The following CADM2 variants were observed in gnomAD, a reference collection of about 807,000 sequenced individuals.
CADM2 encodes cell adhesion molecule 2.
In CADM2, 12 loss-of-function variants were observed where a neutral mutation model predicts 49.8. The ratio of observed to expected loss-of-function variants is 0.24; its 90% CI spans 0.15 to 0.39. The LOEUF is 0.39. Among genes scored for constraint, CADM2 ranks in the 10% least tolerant of loss-of-function variants. CADM2 has a pLI of 1.00. For synonymous variants in CADM2, 214 were observed against 175.4 expected (o/e 1.22, Z -1.74); for missense variants, 378 against 492.3 (o/e 0.77, Z 2.20).
intron 1 of CADM2, among the ~76,000 whole-genome samples, chr3:85,708,935 T>TA (rs1306270378): frequency 3.3e-4 from 50 of 149,566 alleles, no homozygotes; most frequent in Middle Eastern, 3.4e-3. Flanking sequence ...TTTGCTTTTT[T>TA]AAAAAAAAAA....
At chr3:85,294,334 G>T (rs556846507) in intron 1 of CADM2, among the ~76,000 whole-genome samples, 2 of 152,162 alleles carry the variant, frequency 1.3e-5, no homozygotes, top group South Asian at 2.1e-4. Context: ...TAGGTAGGAA[G>T]AATCAATATC....
intron 1 of CADM2, among the ~76,000 whole-genome samples, chr3:85,369,790 C>A (rs1285853707): frequency 6.6e-6 from 1 of 152,128 alleles, no homozygotes; most frequent in Non-Finnish European, 1.5e-5. Context: ...GACTTTATTA[C>A]ATCAGTGTTC....
chr3:85,762,965 C>A (rs2107910019), intron 2 of CADM2, among the ~76,000 whole-genome samples: 1 of 151,952 alleles, frequency 6.6e-6, no homozygotes, highest in African/African-American at 2.4e-5. Flanking sequence ...TTGCTAATAT[C>A]TCTGATGATA....
chr3:85,815,004 G>A (rs1012395892), intron 3 of CADM2, among the ~76,000 whole-genome samples: 1 of 151,960 alleles, frequency 6.6e-6, no homozygotes, highest in Non-Finnish European at 1.5e-5. Flanking sequence ...AGGAGAAATC[G>A]ATAAATTCCT....
At chr3:85,694,776 C>T (rs1577102170) in intron 1 of CADM2, among the ~76,000 whole-genome samples, 3 of 152,016 alleles carry the variant, frequency 2.0e-5, no homozygotes, top group African/African-American at 4.8e-5. Flanking sequence ...TAATCGTTTC[C>T]ATAGTTATTT....
intron 1 of CADM2, among the ~76,000 whole-genome samples, chr3:85,087,665 G>A (rs909110398): frequency 3.3e-5 from 5 of 152,110 alleles, no homozygotes; most frequent in Non-Finnish European, 5.9e-5. Context: ...TTTGATGAAT[G>A]AGCTTTATAT....
intron 8 of CADM2, among the ~76,000 whole-genome samples, chr3:86,009,091 T>C (rs1208293633): frequency 1.6e-5 from 2 of 121,426 alleles, no homozygotes; most frequent in African/African-American, 2.8e-5. Flanking sequence ...CTTGGTGTTA[T>C]AGTGTGTGTG....
At position 85,846,722 on chromosome 3, in the gene CADM2, T is replaced by C. The variant is rs181711405; in HGVS notation, c.239-36569T>C. 9.3e-4 allele frequency among the ~76,000 whole-genome samples: 142 copies of C among 151,928 alleles called. 2 individuals carry two copies. The highest frequency in any genetic ancestry group is 8.8e-4 in the Non-Finnish European group (60 of 67,964). ...TCTACAGATTAAAAAAATCAGCCGA[T>C]GTGGTGGTGCATGCCTGTAGTCCCA... is the stretch of plus-strand genomic sequence containing the variant. On this transcript the variant is annotated intron_variant, in intron 3 of 9. Transcript: ENST00000383699.
At chr3:85,095,677 C>A (rs185778738) in intron 1 of CADM2, among the ~76,000 whole-genome samples, 1 of 152,182 alleles carries the variant, frequency 6.6e-6, no homozygotes, top group East Asian at 1.9e-4. Context: ...GCTTCTTTGG[C>A]CCAAACATTT....
intron 8 of CADM2, among the ~76,000 whole-genome samples, chr3:86,031,167 T>G (rs1386230151): frequency 6.6e-6 from 1 of 151,792 alleles, no homozygotes; most frequent in Admixed American, 6.6e-5. Context: ...GAATGCCAAA[T>G]ACATGATTCC....
chr3:85,569,315 G>T (rs907447171), intron 1 of CADM2, among the ~76,000 whole-genome samples: 18 of 151,320 alleles, frequency 1.2e-4, no homozygotes, highest in African/African-American at 4.4e-4. Flanking sequence ...CTATTCCATG[G>T]TAAGACTATC....
chr3:85,026,336 T>A (rs1198734434), intron 1 of CADM2, among the ~76,000 whole-genome samples: 1 of 152,202 alleles, frequency 6.6e-6, no homozygotes, highest in Non-Finnish European at 1.5e-5. Context: ...AGTTGCTAAA[T>A]TAGATGTACA....
chr3:85,742,739 G>A (rs952906527), intron 2 of CADM2, among the ~76,000 whole-genome samples: 2 of 152,054 alleles, frequency 1.3e-5, no homozygotes, highest in African/African-American at 4.8e-5. Flanking sequence ...TATGATCTTA[G>A]CATTTCAGGT....
rs1179967499 is a variant in CADM2 at position 85,034,790 on chromosome 3, C to CTTTTTTTTT, written c.61+75138_61+75146dup. On this transcript the variant is annotated intron_variant, in intron 1 of 9. Transcript: ENST00000383699. Reference sequence around the variant, plus strand: ...TATCTTTTAGATAAAAGACATTTTGCTTTTTTTTTTTTTTTTTTTTTTTTA... The same window carrying CTTTTTTTTT: ...TATCTTTTAGATAAAAGACATTTTGCTTTTTTTTTTTTTTTTTTTTTTTTTTTTTTTTTA... Among the ~76,000 whole-genome samples the CTTTTTTTTT allele has an allele frequency of 2.0e-3, 170 of 84,048 alleles. 5 individuals carry two copies. Among genetic ancestry groups the CTTTTTTTTT allele is most frequent in the Admixed American group, 3.9e-3 (24 of 6,142 alleles). 55.1% of individuals were successfully genotyped at this position (84,048 alleles called of 152,430 possible).
chr3:85,441,813 G>T (rs1056452565), intron 1 of CADM2, among the ~76,000 whole-genome samples: 1 of 151,924 alleles, frequency 6.6e-6, no homozygotes, highest in African/African-American at 2.4e-5. Flanking sequence ...AATACATGAA[G>T]AATCACATGG....
chr3:86,060,937 G>A lies in CADM2; in HGVS notation c.971-4668G>A, dbSNP rs374579731. 9.2e-5 allele frequency among the ~76,000 whole-genome samples: 14 copies of A among 151,878 alleles called. No homozygotes were observed. The East Asian group carries it at 1.8e-3, about 19-fold the overall frequency. On this transcript the variant is annotated intron_variant, in intron 8 of 9. Transcript: ENST00000383699. ...GTGGAGGTTGCAGTGAGTCAAGATC[G>A]TGCCACTGCACTCCAGCCTGGGCTA...
chr3:85,347,223 CAAAAAAAAAAAAA>C (rs11331703), intron 1 of CADM2, among the ~76,000 whole-genome samples: 1 of 46,148 alleles, frequency 2.2e-5, no homozygotes, highest in South Asian at 1.2e-3. Context: ...CTCTGTCTCA[CAAAAAAAAAAAAA>C]AAAAAAAAAA....
At chr3:84,971,913 C>G (rs1219804835) in intron 1 of CADM2, among the ~76,000 whole-genome samples, 2 of 152,006 alleles carry the variant, frequency 1.3e-5, no homozygotes, top group Non-Finnish European at 2.9e-5. Context: ...AAGTGGAACA[C>G]AAGCAGCAGA....
chr3:85,221,202 G>C (rs189265979), intron 1 of CADM2, among the ~76,000 whole-genome samples: 1 of 152,228 alleles, frequency 6.6e-6, no homozygotes, highest in Non-Finnish European at 1.5e-5. Flanking sequence ...AAGTTGAACT[G>C]TATTCAATTG....
Sources: allele counts gnomAD v4.1 joint callset (sites outside exome capture counted in the v4.1 genomes callset), GRCh38; gene constraint gnomAD v4.1.1; transcripts MANE v1.5; gene names NCBI Gene and HGNC (gene_info 2026-07-23, HGNC 2026-07-21).